The following SH3RF3 variants were observed in gnomAD, a reference collection of about 807,000 sequenced individuals.
SH3RF3 encodes E3 ubiquitin-protein ligase SH3RF3.
A neutral mutation model predicts 66.3 loss-of-function variants in SH3RF3; 29 were observed. That is an observed-to-expected ratio of 0.44 (90% confidence interval 0.33 to 0.60). The LOEUF (loss-of-function observed/expected upper bound fraction) is 0.60, where lower values mean the gene tolerates loss of function less well. Ranked by LOEUF, SH3RF3 falls within the 20% of genes least tolerant of loss-of-function variation. SH3RF3 has a pLI of 0.04. For synonymous variants in SH3RF3, 583 were observed against 532.0 expected (o/e 1.10, Z -1.32); for missense variants, 1,194 against 1,190.9 (o/e 1.00, Z -0.04).
chr2:109,178,866 A>C (rs1311107104), intron 1 of SH3RF3, among the ~76,000 whole-genome samples: 1 of 152,250 alleles, frequency 6.6e-6, no homozygotes, highest in Non-Finnish European at 1.5e-5. Flanking sequence ...TTAATAAATG[A>C]ATTAAATGAT....
chr2:109,481,228 T>TC (rs1175868219), intron 8 of SH3RF3, among the ~76,000 whole-genome samples: 1 of 151,774 alleles, frequency 6.6e-6, no homozygotes, highest in African/African-American at 2.4e-5. Flanking sequence ...GTGGCGAGGG[T>TC]CCCCCCACAC....
chr2:109,270,748 A>G (rs1477308734), intron 1 of SH3RF3, among the ~76,000 whole-genome samples: 2 of 152,136 alleles, frequency 1.3e-5, no homozygotes, highest in Admixed American at 6.5e-5. Context: ...TCTTATGTAG[A>G]TTGACCTTTC....
At chr2:109,361,767 G>T (rs545528963) in intron 2 of SH3RF3, among the ~76,000 whole-genome samples, 55 of 152,220 alleles carry the variant, frequency 3.6e-4, no homozygotes, top group African/African-American at 1.2e-3. Flanking sequence ...AATAGATAAA[G>T]GCCTATTGAA....
intron 1 of SH3RF3, among the ~76,000 whole-genome samples, chr2:109,317,159 T>C (rs919865109): frequency 4.3e-4 from 62 of 144,120 alleles, no homozygotes; most frequent in Non-Finnish European, 5.7e-4. Context: ...GTAAGTTTCA[T>C]GAAATGTTTT....
Position 109,449,265 on chromosome 2 carries a change from C to T in SH3RF3, c.1924C>T (p.Leu642Phe). 6.2e-7 allele frequency: 1 copy of T among 1,612,466 alleles called. No individual in the cohort carries two copies. Among genetic ancestry groups the T allele is most frequent in the South Asian group, 1.1e-5 (1 of 90,750 alleles). Residue 642 changes from leucine to phenylalanine, a missense_variant, in exon 8 of 10, where the codon CTC becomes TTC. Transcript: ENST00000309415. ...TCCATCCCGCCTGCCTGCCACCAGC[C>T]TCAGGCCCCACTCGGTGGTGTCCCC... is the stretch of plus-strand genomic sequence containing the variant. ...NSPSRLPATS[L>F]RPHSVVSPQH...
chr2:109,445,875 C>T (rs1182374688), intron 7 of SH3RF3, among the ~76,000 whole-genome samples: 2 of 152,090 alleles, frequency 1.3e-5, no homozygotes, highest in African/African-American at 2.4e-5. Context: ...ATTCCCCTAT[C>T]ATTTATAAAG....
intron 4 of SH3RF3, among the ~76,000 whole-genome samples, chr2:109,415,453 AC>A (rs1676697072): frequency 6.6e-6 from 1 of 152,150 alleles, no homozygotes; most frequent in South Asian, 2.1e-4. Context: ...GGCGAGTGCT[AC>A]CATCACGGGT....
At chr2:109,314,792 G>A (rs1238272667) in intron 1 of SH3RF3, among the ~76,000 whole-genome samples, 1 of 152,160 alleles carries the variant, frequency 6.6e-6, no homozygotes, top group African/African-American at 2.4e-5. Context: ...TTAATTTAGG[G>A]TGTGACAGTA....
chr2:109,316,866 G>A (rs942581097), intron 1 of SH3RF3, among the ~76,000 whole-genome samples: 16 of 152,174 alleles, frequency 1.1e-4, no homozygotes, highest in Admixed American at 3.3e-4. Flanking sequence ...GTAGTTCTGC[G>A]TTCTCCAGAA....
intron 2 of SH3RF3, among the ~76,000 whole-genome samples, chr2:109,365,184 C>T (rs146815042): frequency 3.3e-5 from 5 of 152,208 alleles, no homozygotes; most frequent in Admixed American, 2.0e-4. Context: ...TTCCCCTCCC[C>T]CTGCCAGAAG....
At chr2:109,328,144 A>G (rs1012359456) in intron 1 of SH3RF3, among the ~76,000 whole-genome samples, 1 of 152,200 alleles carries the variant, frequency 6.6e-6, no homozygotes, top group South Asian at 2.1e-4. Flanking sequence ...CAGCCAAACC[A>G]TTGTCACACT....
intron 5 of SH3RF3, among the ~76,000 whole-genome samples, chr2:109,431,806 G>A (rs1272017281): frequency 2.6e-5 from 4 of 152,160 alleles, no homozygotes; most frequent in African/African-American, 9.7e-5. Context: ...AGGCCATTGA[G>A]GCTGCAGTGA....
At position 109,135,667 on chromosome 2, in the gene SH3RF3, T is replaced by TG. The variant is rs964399238; in HGVS notation, c.573+5561dup. 7.9e-5 allele frequency among the ~76,000 whole-genome samples: 12 copies of TG among 152,020 alleles called. No individual in the cohort carries two copies. The South Asian group carries it at 1.2e-3, about 16-fold the overall frequency. On this transcript the variant is annotated intron_variant, in intron 1 of 9. Coordinates refer to ENST00000309415, the MANE Select transcript of SH3RF3 (RefSeq NM_001099289.3). Reference sequence around the variant, plus strand: ...GTACGTGTGTGGATGTGGATGTGCATGGGGGGGTGTGTGTGTGTTGTGAGT... The same window carrying TG: ...GTACGTGTGTGGATGTGGATGTGCATGGGGGGGGTGTGTGTGTGTTGTGAGT...
intron 7 of SH3RF3, among the ~76,000 whole-genome samples, chr2:109,439,282 G>T (rs1677497711): frequency 6.6e-6 from 1 of 152,064 alleles, no homozygotes; most frequent in Non-Finnish European, 1.5e-5. Flanking sequence ...TGGTTAAACG[G>T]CTCCCCAGTG....
chr2:109,235,352 CACTA>C (rs927078328), intron 1 of SH3RF3, among the ~76,000 whole-genome samples: 27 of 152,302 alleles, frequency 1.8e-4, no homozygotes, highest in Middle Eastern at 3.4e-3. Flanking sequence ...CTCTAAGGGC[CACTA>C]AAGAGACCAG....
At chr2:109,278,911 A>C (rs1482159312) in intron 1 of SH3RF3, among the ~76,000 whole-genome samples, 3 of 152,208 alleles carry the variant, frequency 2.0e-5, no homozygotes, top group Non-Finnish European at 2.9e-5. Flanking sequence ...GCTGGGCAGT[A>C]GTACACCCGA....
intron 2 of SH3RF3, among the ~76,000 whole-genome samples, chr2:109,359,900 C>A (rs890577874): frequency 1.3e-5 from 2 of 152,132 alleles, no homozygotes; most frequent in Admixed American, 1.3e-4. Context: ...GCTGCACATG[C>A]CAATGGCAGG....
chr2:109,480,460 G>A (rs1265216825), intron 8 of SH3RF3, among the ~76,000 whole-genome samples: 1 of 152,180 alleles, frequency 6.6e-6, no homozygotes, highest in Non-Finnish European at 1.5e-5. Flanking sequence ...AAGGAGAGGA[G>A]TCCAGATGCC....
intron 1 of SH3RF3, among the ~76,000 whole-genome samples, chr2:109,228,732 G>A (rs1679431257): frequency 6.6e-6 from 1 of 152,140 alleles, no homozygotes; most frequent in Non-Finnish European, 1.5e-5. Flanking sequence ...ATAGGGCGAG[G>A]TCTGGAAGGG....
Sources: allele counts gnomAD v4.1 joint callset (sites outside exome capture counted in the v4.1 genomes callset), GRCh38; gene constraint gnomAD v4.1.1; transcripts MANE v1.5; gene names NCBI Gene and HGNC (gene_info 2026-07-23, HGNC 2026-07-21).